Variants in EMP2 observed in about 807,000 individuals in gnomAD.
The protein encoded by EMP2 is epithelial membrane protein 2.
A neutral mutation model predicts 13.7 loss-of-function variants in EMP2; 19 were observed. The ratio of observed to expected loss-of-function variants is 1.38; its 90% confidence interval spans 0.97 to 2.03. The LOEUF (loss-of-function observed/expected upper bound fraction) is 2.03. Among genes scored for constraint, EMP2 ranks in the 30% most tolerant of loss-of-function variants. The probability of loss-of-function intolerance (pLI) is 0.00; values close to 1 mark genes in which losing one functional copy is unlikely to be tolerated. For synonymous variants in EMP2, 97 were observed against 84.7 expected, an observed-to-expected ratio of 1.15 and a Z score of -0.80; for missense variants, 253 against 220.7, an observed-to-expected ratio of 1.15 and a Z score of -0.93.
chr16:10,563,224 C>T (rs1468740457), intron 1 of EMP2, among the ~76,000 whole-genome samples: 1 of 152,062 alleles, frequency 6.6e-6, no homozygotes, highest in African/African-American at 2.4e-5. Context: ...TGGAGTCTCA[C>T]TCTGTCACCC....
At chr16:10,536,432 A>G (rs180702186) in intron 4 of EMP2, among the ~76,000 whole-genome samples, 206 of 152,200 alleles carry the variant, frequency 1.4e-3, no homozygotes, top group African/African-American at 4.8e-3. Flanking sequence ...CGGTTCCCCC[A>G]TACTGTTCTT....
intron 2 of EMP2, chr16:10,544,835 T>G (rs2050727678): frequency 6.6e-6 from 1 of 152,234 alleles, no homozygotes; most frequent in Non-Finnish European, 1.5e-5. Context: ...CAGTGAGCCA[T>G]GATCGCAACA....
At chr16:10,548,329 C>A (rs1009473384) in intron 1 of EMP2, among the ~76,000 whole-genome samples, 2 of 152,082 alleles carry the variant, frequency 1.3e-5, no homozygotes, top group Admixed American at 6.6e-5. Flanking sequence ...TGATCAGAGC[C>A]CCTACTTCAT....
At chr16:10,561,381 T>A (rs774863517) in intron 1 of EMP2, among the ~76,000 whole-genome samples, 16 of 151,968 alleles carry the variant, frequency 1.1e-4, no homozygotes, top group Non-Finnish European at 2.1e-4. Flanking sequence ...GGTACACAGG[T>A]GGCAGACAAA....
chr16:10,546,263 T>TTTGGC (rs1294717690), intron 2 of EMP2: 5 of 152,358 alleles, frequency 3.3e-5, no homozygotes, highest in Admixed American at 3.3e-4. Context: ...TGGTGTACTT[T>TTTGGC]TTGGCTTTCT....
chr16:10,557,119 G>A (rs1014990630), intron 1 of EMP2, among the ~76,000 whole-genome samples: 2 of 152,192 alleles, frequency 1.3e-5, no homozygotes, highest in African/African-American at 2.4e-5. Flanking sequence ...CACTTTGGGA[G>A]GCTGAGGCGG....
At chr16:10,579,708 G>GCACA (rs71133370) in intron 1 of EMP2, among the ~76,000 whole-genome samples, 5,549 of 146,712 alleles carry the variant, frequency 0.038, 199 homozygotes, top group East Asian at 0.21. Context: ...AGATCAAGGT[G>GCACA]CACACACACA....
chr16:10,576,071 T>C (rs2142215191), intron 1 of EMP2, among the ~76,000 whole-genome samples: 1 of 152,264 alleles, frequency 6.6e-6, no homozygotes, highest in Non-Finnish European at 1.5e-5. Flanking sequence ...CTAAATTCTT[T>C]GAGTATCTTA....
rs1244137317 is a variant in EMP2, at chr16:10,533,090, G to A, written c.319C>T (p.Leu107=). 8 of 1,561,904 alleles carry A rather than the reference G, an allele frequency of 5.1e-6. No individual in the cohort carries two copies. Among genetic ancestry groups the A allele is most frequent in the Non-Finnish European group, 7.0e-6 (8 of 1,149,336 alleles). ...ATGGAGGCCGCAATCATGACACACA[G>A]ACCTGTCAGGAAGAAAGGTGAATTT... ...LTSIIQLMSC[L]CVMIAASIYT... is the part of the protein sequence containing the mutation. The change falls in exon 5 of 5, where the codon CTG becomes TTG. Residue 107 remains leucine, a splice_region_variant and synonymous_variant. Transcript: ENST00000359543.
intron 1 of EMP2, among the ~76,000 whole-genome samples, chr16:10,573,720 C>T (rs1421279893): frequency 6.6e-6 from 1 of 152,150 alleles, no homozygotes; most frequent in Non-Finnish European, 1.5e-5. Context: ...CCCTACCACC[C>T]CATCAGAGAC....
intron 1 of EMP2, among the ~76,000 whole-genome samples, chr16:10,568,994 G>A (rs1309630789): frequency 6.6e-6 from 1 of 152,058 alleles, no homozygotes; most frequent in Non-Finnish European, 1.5e-5. Context: ...CGCCATGTTG[G>A]CCAGGCTGGT....
chr16:10,532,962 GGCCACCCAC>G lies in EMP2; in HGVS notation c.438_446del (p.Trp147_Ala149del). 2 of 1,608,876 alleles carry G rather than the reference GGCCACCCAC, an allele frequency of 1.2e-6. No individual in the cohort carries two copies. The highest frequency in any genetic ancestry group is 1.7e-6 in the Non-Finnish European group (2 of 1,177,634). ...TGCCGCTGATGAAGGTGCAGGCGAAGGCCACCCACGCCAGGATGTAGGAGTAGCCGTAGC... is the reference window on the plus strand; with the variant it reads ...TGCCGCTGATGAAGGTGCAGGCGAAGGCCAGGATGTAGGAGTAGCCGTAGC... On this transcript the variant is annotated inframe_deletion, in exon 5 of 5. Transcript: ENST00000359543.
chr16:10,538,223 G>T, intron 3 of EMP2, 149 bp from the exon 4 acceptor site: 1 of 896,354 alleles, frequency 1.1e-6, no homozygotes, highest in Non-Finnish European at 1.7e-6. Flanking sequence ...TGAGCACAAG[G>T]GCAGCCAAGG....
intron 2 of EMP2, chr16:10,544,800 G>C (rs566700478): frequency 6.6e-6 from 1 of 152,290 alleles, no homozygotes; most frequent in African/African-American, 2.4e-5. Flanking sequence ...TGGGAGGATC[G>C]CTTGAGCCTG....
intron 4 of EMP2, among the ~76,000 whole-genome samples, chr16:10,534,059 G>A (rs958523319): frequency 6.6e-6 from 1 of 151,778 alleles, no homozygotes; most frequent in Non-Finnish European, 1.5e-5. Context: ...AGGTTGCAGT[G>A]AGCCGAGATC....
At chr16:10,575,298 G>A (rs1275246255) in intron 1 of EMP2, among the ~76,000 whole-genome samples, 8 of 117,900 alleles carry the variant, frequency 6.8e-5, no homozygotes, top group Non-Finnish European at 1.4e-4. Flanking sequence ...CCGTCGCCCA[G>A]GCTGGAGTGC....
chr16:10,555,192 C>T (rs951436881), intron 1 of EMP2, among the ~76,000 whole-genome samples: 5 of 152,208 alleles, frequency 3.3e-5, no homozygotes, highest in Non-Finnish European at 1.5e-5. Flanking sequence ...CCTCCAATCA[C>T]CCTATCTCAG....
rs375278523 is a variant in EMP2, at chr16:10,532,751, CTT to C, written c.*152_*153del. ...CTTCTCTCTTTTGGATTTTTTTTTTCTTTTTTCTTTTTTTTTTTTTTTTTTTT... is the reference window on the plus strand; with the variant it reads ...CTTCTCTCTTTTGGATTTTTTTTTTCTTTTCTTTTTTTTTTTTTTTTTTTT... On this transcript the variant is annotated 3_prime_UTR_variant, in exon 5 of 5. Coordinates refer to ENST00000359543, the MANE Select transcript of EMP2 (RefSeq NM_001424.6). 1 of 199,580 alleles carries C rather than the reference CTT, an allele frequency of 5.0e-6. No individual in the cohort carries two copies. The highest frequency in any genetic ancestry group is 6.9e-6 in the Non-Finnish European group (1 of 145,886). The allele number at this position is 199,580 out of a possible 1,614,324, so 12.4% of individuals were successfully genotyped here. A position where few individuals can be genotyped will look rare whatever the true frequency, so the allele number is the denominator to read the frequency against.
In EMP2 at chr16:10,549,271, T is replaced by A. The variant is rs566874688; in HGVS notation, c.-60-1594A>T. Among the ~76,000 whole-genome samples the A allele has an allele frequency of 3.3e-5, 5 of 152,290 alleles. No homozygotes were observed. The East Asian group carries it at 9.6e-4, about 29-fold the overall frequency. ...TGGAAGTCTTACAACAGAACTACAG[T>A]TGTCCAAAGTTGATAAAAATGTCAT... On this transcript the variant is annotated intron_variant, in intron 1 of 4. Transcript: ENST00000359543.
Sources: allele counts gnomAD v4.1 joint callset (sites outside exome capture counted in the v4.1 genomes callset), GRCh38; gene constraint gnomAD v4.1.1; transcripts MANE v1.5; gene names NCBI Gene and HGNC (gene_info 2026-07-23, HGNC 2026-07-21).